Variants in CACNA2D3 observed in about 807,000 individuals in gnomAD.
CACNA2D3 encodes calcium voltage-gated channel auxiliary subunit alpha2delta 3, also known as voltage-dependent calcium channel subunit alpha-2/delta-3.
A neutral mutation model predicts 160.6 loss-of-function variants in CACNA2D3; 60 were observed. That is an observed-to-expected ratio of 0.37 (90% CI 0.30 to 0.46). The LOEUF (loss-of-function observed/expected upper bound fraction) is 0.46, where lower values mean the gene tolerates loss of function less well. CACNA2D3 is among the 20% of genes least tolerant of loss of function. The probability of loss-of-function intolerance (pLI) is 1.00; values close to 1 mark genes in which losing one functional copy is unlikely to be tolerated. For synonymous variants in CACNA2D3, 558 were observed against 492.9 expected (o/e 1.13, Z -1.75); for missense variants, 1,205 against 1,365.0 (o/e 0.88, Z 1.85).
intron 27 of CACNA2D3, chr3:54,918,509 C>T (rs781338601): frequency 1.2e-6 from 2 of 1,613,982 alleles, no homozygotes; most frequent in Non-Finnish European, 1.7e-6. Context: ...TTCCCAGGAT[C>T]ATTGGTTTGA....
At chr3:54,410,170 GA>G (rs1274212480) in intron 4 of CACNA2D3, among the ~76,000 whole-genome samples, 1 of 152,050 alleles carries the variant, frequency 6.6e-6, no homozygotes, top group Non-Finnish European at 1.5e-5. Flanking sequence ...CCAACATGGT[GA>G]AACCCCATCT....
At chr3:55,055,913 A>G (rs1704349230) in intron 35 of CACNA2D3, among the ~76,000 whole-genome samples, 1 of 152,142 alleles carries the variant, frequency 6.6e-6, no homozygotes, top group South Asian at 2.1e-4. Flanking sequence ...TTTGACCCCA[A>G]AAGCATAGGC....
chr3:54,836,166 T>C (rs1181578031), intron 14 of CACNA2D3, among the ~76,000 whole-genome samples: 1 of 152,054 alleles, frequency 6.6e-6, no homozygotes, highest in African/African-American at 2.4e-5. Context: ...TGTAACCCAA[T>C]TGAGAGGTTT....
At chr3:54,824,255 T>G (rs1371095392) in intron 14 of CACNA2D3, among the ~76,000 whole-genome samples, 2 of 152,234 alleles carry the variant, frequency 1.3e-5, no homozygotes, top group East Asian at 3.8e-4. Flanking sequence ...CCATGTCAGA[T>G]GCTTAGAGCG....
chr3:54,367,411 G>C (rs116035712), intron 3 of CACNA2D3, among the ~76,000 whole-genome samples: 2 of 152,146 alleles, frequency 1.3e-5, no homozygotes, highest in Non-Finnish European at 2.9e-5. Flanking sequence ...GCCCTCCACC[G>C]TATGGGATGA....
At position 54,767,155 on chromosome 3, in the gene CACNA2D3, C is replaced by T. The variant is rs530968670; in HGVS notation, c.1380+2804C>T. 8.6e-5 allele frequency among the ~76,000 whole-genome samples: 13 copies of T among 151,816 alleles called. 1 individual carries two copies. In the East Asian group the frequency reaches 2.5e-3, roughly 30 times the overall value. On this transcript the variant is annotated intron_variant, in intron 13 of 37. Coordinates refer to ENST00000474759, the MANE Select transcript of CACNA2D3 (RefSeq NM_018398.3). Reference sequence around the variant, plus strand: ...TGACTTTTGAAAGCATATGAATGTTCTGTGTATTCAAAAATTAAACAAGAT... The same window carrying T: ...TGACTTTTGAAAGCATATGAATGTTTTGTGTATTCAAAAATTAAACAAGAT...
intron 3 of CACNA2D3, among the ~76,000 whole-genome samples, chr3:54,320,992 C>G (rs1181924224): frequency 6.6e-6 from 1 of 152,162 alleles, no homozygotes; most frequent in Non-Finnish European, 1.5e-5. Context: ...ATTGATATAA[C>G]TGTTCCTATA....
chr3:54,781,183 G>A (rs149231016), intron 13 of CACNA2D3, among the ~76,000 whole-genome samples: 193 of 152,324 alleles, frequency 1.3e-3, no homozygotes, highest in African/African-American at 4.4e-3. Context: ...TAGTGGTTGG[G>A]AATGCAGAGA....
chr3:54,845,597 TG>T (rs1698915354), intron 16 of CACNA2D3, among the ~76,000 whole-genome samples: 1 of 152,254 alleles, frequency 6.6e-6, no homozygotes, highest in Non-Finnish European at 1.5e-5. Flanking sequence ...TGCAGTCAAC[TG>T]TGTAATAGAA....
At chr3:54,626,358 G>A (rs921194329) in intron 9 of CACNA2D3, 2 of 1,558,756 alleles carry the variant, frequency 1.3e-6, no homozygotes, top group South Asian at 2.4e-5. Flanking sequence ...ACCGGGGCCT[G>A]CGGCGGAAGC....
intron 4 of CACNA2D3, among the ~76,000 whole-genome samples, chr3:54,471,162 A>G (rs1036045018): frequency 6.6e-6 from 1 of 152,232 alleles, no homozygotes; most frequent in African/African-American, 2.4e-5. Context: ...AATTGGAAGT[A>G]AAACACTCCT....
intron 6 of CACNA2D3, among the ~76,000 whole-genome samples, chr3:54,564,758 C>T (rs985218473): frequency 3.3e-5 from 5 of 152,168 alleles, no homozygotes; most frequent in African/African-American, 1.2e-4. Context: ...TCTCTGCCCT[C>T]ATCCAGCTCC....
At chr3:54,859,972 G>GCGCACACACACA (rs535185040) in intron 17 of CACNA2D3, among the ~76,000 whole-genome samples, 17 of 133,884 alleles carry the variant, frequency 1.3e-4, no homozygotes, top group East Asian at 1.1e-3. Context: ...GAAAGTAGAT[G>GCGCACACACACA]CACACACACA....
chr3:54,868,921 A>G (rs1699464103), intron 17 of CACNA2D3, among the ~76,000 whole-genome samples: 1 of 152,186 alleles, frequency 6.6e-6, no homozygotes, highest in African/African-American at 2.4e-5. Flanking sequence ...TGTGTTTGCC[A>G]TTTTACATAC....
At chr3:55,025,864 C>T (rs1356264194) in intron 35 of CACNA2D3, among the ~76,000 whole-genome samples, 1 of 151,848 alleles carries the variant, frequency 6.6e-6, no homozygotes, top group Non-Finnish European at 1.5e-5. Flanking sequence ...CCTGGCAGGT[C>T]AGTCATACAC....
chr3:55,057,119 G>A (rs547009371), intron 35 of CACNA2D3, among the ~76,000 whole-genome samples: 22 of 152,050 alleles, frequency 1.4e-4, no homozygotes, highest in Non-Finnish European at 2.6e-4. Context: ...TTCCTGTGCC[G>A]CTCTCGTGAT....
intron 12 of CACNA2D3, 142 bp downstream of exon 12, chr3:54,752,819 C>G (rs971460169): frequency 3.8e-6 from 2 of 522,548 alleles, no homozygotes; most frequent in Non-Finnish European, 6.8e-6. Context: ...AGACTTGTAA[C>G]GGTTTCTTCC....
chr3:54,680,580 G>A (rs967802855), intron 11 of CACNA2D3, among the ~76,000 whole-genome samples: 2 of 152,284 alleles, frequency 1.3e-5, no homozygotes, highest in Middle Eastern at 3.4e-3. Flanking sequence ...TAAGATATTT[G>A]CAAAGAGGAA....
chr3:54,696,298 C>A (rs938996588), intron 11 of CACNA2D3, among the ~76,000 whole-genome samples: 1 of 152,116 alleles, frequency 6.6e-6, no homozygotes, highest in South Asian at 2.1e-4. Context: ...CTGGAAGGTC[C>A]CCCCATTCCA....
Sources: gnomAD v4.1 joint callset for allele counts (sites outside exome capture counted in the v4.1 genomes callset) on GRCh38, gnomAD v4.1.1 for gene constraint, MANE v1.5 for transcripts, NCBI Gene and HGNC (gene_info 2026-07-23, HGNC 2026-07-21) for gene names.